GREB1: variants seen among roughly 807,000 people sequenced by gnomAD.
GREB1 encodes growth regulating estrogen receptor binding 1.
In GREB1, 106 loss-of-function variants were observed where a neutral mutation model predicts 200.7. The observed-to-expected ratio is 0.53, with a 90% CI of 0.45 to 0.62. The LOEUF is 0.62. Among genes scored for constraint, GREB1 ranks in the 20% least tolerant of loss-of-function variants. GREB1 has a pLI of 0.00. For synonymous variants in GREB1, 1,132 were observed against 1,092.4 expected (o/e 1.04, Z -0.72); for missense variants, 2,243 against 2,556.8 (o/e 0.88, Z 2.65).
chr2:11,566,942 T>G (rs772500946), intron 4 of GREB1, among the ~76,000 whole-genome samples: 3 of 152,166 alleles, frequency 2.0e-5, no homozygotes, highest in Non-Finnish European at 4.4e-5. Context: ...GTGTCAAGAA[T>G]GGGTGACAAA....
At position 11,635,424 on chromosome 2, in the gene GREB1, G is replaced by A. The variant is rs953950926; in HGVS notation, c.5346+19G>A. Reference sequence around the variant, plus strand: ...ATCCAAGGTGAGCTCCTCGCTGCTGGGCAGGCCTCTATGTCCACCGCCTGG... The same window carrying A: ...ATCCAAGGTGAGCTCCTCGCTGCTGAGCAGGCCTCTATGTCCACCGCCTGG... On this transcript the variant is annotated intron_variant, in intron 30 of 32. Coordinates refer to ENST00000381486, the MANE Select transcript of GREB1 (RefSeq NM_014668.4). 2.5e-6 allele frequency: 4 copies of A among 1,591,142 alleles called. No homozygotes were observed. The highest frequency in any genetic ancestry group is 3.4e-6 in the Non-Finnish European group (4 of 1,168,614).
rs551568571 is a variant in GREB1, at chr2:11,588,804, C to T, written c.1218C>T (p.Leu406=). 2.5e-6 allele frequency: 4 copies of T among 1,614,224 alleles called. No homozygotes were observed. The highest frequency in any genetic ancestry group is 3.4e-6 in the Non-Finnish European group (4 of 1,180,020). ...TGAATGACGTCGTGGTCAGCCCCCT[C>T]TTGTACACGTGCTACCAGAATTCCC... ...GNLNDVVVSP[L]LYTCYQNSQS... The change falls in exon 10 of 33, where the codon CTC becomes CTT. Residue 406 remains leucine, a synonymous_variant. Transcript: ENST00000381486.
intron 1 of GREB1, among the ~76,000 whole-genome samples, chr2:11,511,865 C>A (rs1433246778): frequency 6.6e-6 from 1 of 152,138 alleles, no homozygotes; most frequent in Non-Finnish European, 1.5e-5. Flanking sequence ...AGATGACACA[C>A]CTCGGATGCC....
intron 7 of GREB1, among the ~76,000 whole-genome samples, chr2:11,584,072 C>T (rs1267437496): frequency 1.3e-5 from 2 of 152,196 alleles, no homozygotes; most frequent in South Asian, 2.1e-4. Context: ...CAAGAAGAAG[C>T]GTTGAGATAT....
At chr2:11,637,589 G>T in intron 30 of GREB1, 127 bp from the exon 31 acceptor site, 2 of 679,518 alleles carry the variant, frequency 2.9e-6, no homozygotes, top group Non-Finnish European at 2.5e-6. Flanking sequence ...CTTGAAGTAT[G>T]TGTTCTCAGT....
intron 2 of GREB1, among the ~76,000 whole-genome samples, chr2:11,559,951 G>A (rs961789212): frequency 3.3e-5 from 5 of 152,122 alleles, no homozygotes; most frequent in East Asian, 1.9e-4. Flanking sequence ...CCAAAGTCAC[G>A]CTTCCCACCT....
Position 11,514,350 on chromosome 2 carries a change from A to G in GREB1, c.-159+31969A>G, listed in dbSNP as rs183111908. Among the ~76,000 whole-genome samples, 583 of 152,246 alleles carry G rather than the reference A, an allele frequency of 3.8e-3. 4 individuals are homozygous for G. The highest frequency in any genetic ancestry group is 0.017 in the Middle Eastern group (5 of 294). On this transcript the variant is annotated intron_variant, in intron 1 of 2. Transcript: ENST00000628795. ...AAATCAGTTATGTTCCAAGTTTGCT[A>G]TTGCATTGTTGAACTTGGGATTCAC...
At chr2:11,552,577 C>T (rs1045397524) in intron 1 of GREB1, among the ~76,000 whole-genome samples, 9 of 152,282 alleles carry the variant, frequency 5.9e-5, no homozygotes, top group Admixed American at 2.6e-4. Context: ...TGTACCTCCG[C>T]GGCAGGACCG....
chr2:11,514,003 A>G (rs563785446), intron 1 of GREB1, among the ~76,000 whole-genome samples: 1 of 152,308 alleles, frequency 6.6e-6, no homozygotes, highest in South Asian at 2.1e-4. Flanking sequence ...ATGAAGATTA[A>G]TCTCCTACTC....
chr2:11,557,444 T>C (rs953633174), intron 2 of GREB1, among the ~76,000 whole-genome samples: 2 of 152,252 alleles, frequency 1.3e-5, no homozygotes, highest in African/African-American at 4.8e-5. Flanking sequence ...CTCTTAGTTA[T>C]TGAAGTGAAA....
intron 1 of GREB1, among the ~76,000 whole-genome samples, chr2:11,482,981 G>C (rs903936340): frequency 6.6e-6 from 1 of 151,304 alleles, no homozygotes; most frequent in African/African-American, 2.4e-5. Context: ...CGGTCCCTCC[G>C]GGCGGCAGCG....
chr2:11,620,813 C>T (rs1683945576), intron 22 of GREB1, 92 bp from the exon 23 acceptor site: 2 of 724,414 alleles, frequency 2.8e-6, no homozygotes, highest in African/African-American at 3.5e-5. Context: ...TCAAGTGAGG[C>T]AGATGTCAGG....
Position 11,620,922 on chromosome 2 carries a change from C to G in GREB1, c.4062C>G (p.Ala1354=). The G allele has an allele frequency of 6.2e-7, 1 of 1,610,492 alleles. No individual in the cohort carries two copies. Residue 1354 remains alanine (A), a synonymous_variant, in exon 23 of 33, where the codon GCC becomes GCG. Transcript: ENST00000381486. ...CTTTACAGATCGGGAAGACAGGTGC[C>G]TACCTGCAGTTCCTCAGTGTCCTGT... The part of the protein sequence containing the change: ...SGPPQIGKTG[A]YLQFLSVLSR...
chr2:11,556,576 G>T lies in GREB1; in HGVS notation c.-39G>T. The T allele has an allele frequency of 6.4e-7, 1 of 1,559,112 alleles. No homozygotes were observed. Among genetic ancestry groups the T allele is most frequent in the Non-Finnish European group, 8.7e-7 (1 of 1,143,402 alleles). ...GGAGCCAGGCTTTTGCACCGAATCT[G>T]AGATGCCATTTTAAACAGAAGACTC... On this transcript the variant is annotated 5_prime_UTR_variant, in exon 2 of 33. The change creates a premature stop within an existing upstream ORF in the 5' untranslated region. Transcript: ENST00000381486.
At chr2:11,524,204 T>G (rs1253907263) in intron 1 of GREB1, among the ~76,000 whole-genome samples, 1 of 152,232 alleles carries the variant, frequency 6.6e-6, no homozygotes, top group East Asian at 1.9e-4. Context: ...GAAGACAAGT[T>G]GGACATTATT....
At chr2:11,635,202 G>T in intron 29 of GREB1, 68 bp from the exon 30 acceptor site, 1 of 1,590,204 alleles carries the variant, frequency 6.3e-7, no homozygotes, top group Non-Finnish European at 8.6e-7. Context: ...CACTCTAGGT[G>T]CTGGGGGCAG....
At position 11,629,753 on chromosome 2, in the gene GREB1, G is replaced by C. The variant is rs114411748; in HGVS notation, c.4450-195G>C. Among the ~76,000 whole-genome samples the C allele has an allele frequency of 0.013, 2,013 of 152,236 alleles. 39 individuals carry two copies. The highest frequency in any genetic ancestry group is 0.045 in the African/African-American group (1,885 of 41,524). ...GGGAGCAGGCTCTCGTCGTGGGTGT[G>C]TGGCCTCGGGCGTGCTTGCCCTGTC... is the stretch of plus-strand genomic sequence containing the variant. On this transcript the variant is annotated intron_variant, in intron 25 of 32. Coordinates refer to ENST00000381486, the MANE Select transcript of GREB1 (RefSeq NM_014668.4). This position sits in a 1 kb window ranked among gnomAD's most constrained non-coding sequence, Gnocchi z 5.2.
At chr2:11,569,358 A>C (rs1355317806) in intron 4 of GREB1, among the ~76,000 whole-genome samples, 1 of 152,136 alleles carries the variant, frequency 6.6e-6, no homozygotes, top group African/African-American at 2.4e-5. Context: ...CACACCAAGA[A>C]TCAGCCTAGA....
intron 17 of GREB1, among the ~76,000 whole-genome samples, chr2:11,608,924 A>C (rs528452217): frequency 1.3e-5 from 2 of 152,006 alleles, no homozygotes; most frequent in Non-Finnish European, 2.9e-5. Flanking sequence ...CCGGAATCTG[A>C]TACCTCTCCT....
Sources: allele counts gnomAD v4.1 joint callset (sites outside exome capture counted in the v4.1 genomes callset), GRCh38; gene constraint gnomAD v4.1.1; non-coding constraint Gnocchi (gnomAD v3.1); transcripts MANE v1.5; gene names NCBI Gene and HGNC (gene_info 2026-07-23, HGNC 2026-07-21).